The following SMOC1 variants were observed in gnomAD, a reference collection of about 807,000 sequenced individuals.
SMOC1 encodes the protein SPARC related modular calcium binding 1, also known as SPARC-related modular calcium-binding protein 1.
A neutral mutation model predicts 56.3 loss-of-function variants in SMOC1; 22 were observed. The ratio of observed to expected loss-of-function variants is 0.39; its 90% confidence interval spans 0.28 to 0.56. The LOEUF is 0.56. Among genes scored for constraint, SMOC1 ranks in the 20% least tolerant of loss-of-function variants. The probability of loss-of-function intolerance (pLI) is 0.61; values close to 1 mark genes in which losing one functional copy is unlikely to be tolerated. For missense variants in SMOC1, 509 were observed against 565.4 expected (o/e 0.90, Z 1.01); for synonymous variants, 193 against 215.0 (o/e 0.90, Z 0.89).
rs746033223 is a variant in SMOC1, at chr14:70,010,922, G to T, written c.833G>T (p.Arg278Leu). 4 of 1,612,782 alleles carry T rather than the reference G, an allele frequency of 2.5e-6. No individual in the cohort carries two copies. Residue 278 changes from arginine (R) to leucine (L), a missense_variant, in exon 8 of 12, where the codon CGC (arginine) becomes CTC (leucine). Arg to Leu is a moderately radical substitution (Grantham distance 102). This residue lies in a region of SMOC1 where 18 missense variants were observed against 44.2 expected (regional missense o/e 0.41). Transcript: ENST00000361956. ...TGGTGTGTGCTGGTGGACACAGGGC[G>T]CCCGCTGCCTGGGACCTCCACACGG... is the stretch of plus-strand genomic sequence containing the variant. ...YCWCVLVDTG[R>L]PLPGTSTRYV... is the part of the protein sequence containing the mutation.
chr14:70,014,534 C>A (rs184064251), intron 10 of SMOC1, among the ~76,000 whole-genome samples: 8 of 152,228 alleles, frequency 5.3e-5, no homozygotes, highest in Non-Finnish European at 8.8e-5. Flanking sequence ...GAGGAGGAAG[C>A]AGAGGAGGTA....
chr14:69,993,738 G>T (rs1245024088), intron 6 of SMOC1, among the ~76,000 whole-genome samples: 1 of 152,166 alleles, frequency 6.6e-6, no homozygotes, highest in Non-Finnish European at 1.5e-5. Context: ...GACCCTGGGG[G>T]GTCAGGTGAG....
chr14:69,949,568 G>A (rs1594818383), intron 1 of SMOC1, among the ~76,000 whole-genome samples: 1 of 152,342 alleles, frequency 6.6e-6, no homozygotes, highest in Non-Finnish European at 1.5e-5. Context: ...GAGTATTACA[G>A]GAGATTGTCC....
At chr14:69,951,835 G>T (rs2139437365) in intron 1 of SMOC1, among the ~76,000 whole-genome samples, 1 of 152,284 alleles carries the variant, frequency 6.6e-6, no homozygotes, top group African/African-American at 2.4e-5. Context: ...CAGTTTCCTT[G>T]TCTACAGAAT....
In SMOC1 at chr14:69,916,127, A is replaced by C. The variant is rs181685312; in HGVS notation, c.100-36011A>C. On this transcript the variant is annotated intron_variant, in intron 1 of 11. Coordinates refer to ENST00000361956, the MANE Select transcript of SMOC1 (RefSeq NM_001034852.3). ...CCAAAAGCCCAGATTTTCCCTACCAACCTTACCAAACCCATTTACCCATTC... is the reference window on the plus strand; with the variant it reads ...CCAAAAGCCCAGATTTTCCCTACCACCCTTACCAAACCCATTTACCCATTC... 1.1e-4 allele frequency among the ~76,000 whole-genome samples: 17 copies of C among 152,208 alleles called. No homozygotes were observed. The East Asian group carries it at 2.3e-3, about 21-fold the overall frequency.
At chr14:69,907,820 G>C (rs1256806633) in intron 1 of SMOC1, among the ~76,000 whole-genome samples, 1 of 152,152 alleles carries the variant, frequency 6.6e-6, no homozygotes, top group East Asian at 1.9e-4. Context: ...TATCTATAAG[G>C]TTCCTTATAG....
intron 1 of SMOC1, among the ~76,000 whole-genome samples, chr14:69,906,695 T>G (rs1294686461): frequency 6.6e-6 from 1 of 152,094 alleles, no homozygotes; most frequent in Non-Finnish European, 1.5e-5. Flanking sequence ...GGAAGCCAAC[T>G]GAGAGAGAGG....
chr14:69,932,901 C>T (rs943476101), intron 1 of SMOC1, among the ~76,000 whole-genome samples: 4 of 152,054 alleles, frequency 2.6e-5, no homozygotes, highest in Admixed American at 6.6e-5. Context: ...GCAATTCTGA[C>T]GGAAGCTGTG....
At chr14:69,997,628 T>C (rs1030424694) in intron 7 of SMOC1, among the ~76,000 whole-genome samples, 6 of 152,312 alleles carry the variant, frequency 3.9e-5, no homozygotes, top group Admixed American at 3.9e-4. Context: ...CCATAAATGA[T>C]TTTTTAAACC....
intron 7 of SMOC1, among the ~76,000 whole-genome samples, chr14:70,008,752 A>G (rs1468062309): frequency 2.0e-5 from 3 of 152,174 alleles, no homozygotes; most frequent in African/African-American, 7.2e-5. Context: ...TGTTACATGA[A>G]CGTGGTGTCA....
At chr14:70,023,182 G>C in intron 10 of SMOC1, 21 bp from the exon 11 acceptor site, 1 of 1,613,978 alleles carries the variant, frequency 6.2e-7, no homozygotes, top group East Asian at 2.2e-5. Context: ...TCTGCGGTGG[G>C]GGTGTTTGTC....
At chr14:69,949,543 A>G (rs993081910) in intron 1 of SMOC1, among the ~76,000 whole-genome samples, 1 of 152,212 alleles carries the variant, frequency 6.6e-6, no homozygotes, top group African/African-American at 2.4e-5. Flanking sequence ...CATGAAGGAA[A>G]AATGAAGTGT....
chr14:69,884,765 T>C (rs1301252952), intron 1 of SMOC1, among the ~76,000 whole-genome samples: 1 of 152,190 alleles, frequency 6.6e-6, no homozygotes, highest in Non-Finnish European at 1.5e-5. Context: ...ATTTTTGGGC[T>C]CTGTCTTCTG....
At chr14:69,980,997 G>A (rs904647172) in intron 5 of SMOC1, among the ~76,000 whole-genome samples, 2 of 152,160 alleles carry the variant, frequency 1.3e-5, no homozygotes, top group Non-Finnish European at 2.9e-5. Context: ...ATGAAAAGAT[G>A]TATTGTGTGA....
At chr14:69,968,142 G>C (rs1366586185) in intron 3 of SMOC1, among the ~76,000 whole-genome samples, 2 of 152,172 alleles carry the variant, frequency 1.3e-5, no homozygotes, top group East Asian at 3.8e-4. Flanking sequence ...AAACTCTCAC[G>C]TAGAAAACTA....
At chr14:70,029,210 C>T (rs955260300) in intron 11 of SMOC1, among the ~76,000 whole-genome samples, 9 of 152,194 alleles carry the variant, frequency 5.9e-5, no homozygotes, top group African/African-American at 1.2e-4. Context: ...CTGGAGCAGG[C>T]GTGGCAGTTT....
chr14:69,979,193 C>G (rs1360306147), intron 5 of SMOC1, among the ~76,000 whole-genome samples: 1 of 152,076 alleles, frequency 6.6e-6, no homozygotes, highest in Non-Finnish European at 1.5e-5. Flanking sequence ...TGGGCCCTGC[C>G]TCCAGTGCTT....
At chr14:69,958,255 T>C (rs1415609922) in intron 3 of SMOC1, among the ~76,000 whole-genome samples, 1 of 152,074 alleles carries the variant, frequency 6.6e-6, no homozygotes, top group Non-Finnish European at 1.5e-5. Flanking sequence ...CTGGATAACA[T>C]AGTGAGACCC....
At chr14:69,903,383 C>T (rs1173891471) in intron 1 of SMOC1, among the ~76,000 whole-genome samples, 4 of 151,934 alleles carry the variant, frequency 2.6e-5, no homozygotes, top group Non-Finnish European at 4.4e-5. Context: ...TCGGCCCGGC[C>T]GCCACCCCGT....
Sources: allele counts gnomAD v4.1 joint callset (sites outside exome capture counted in the v4.1 genomes callset), GRCh38; gene constraint gnomAD v4.1.1; regional missense constraint gnomAD v4.1.1; transcripts MANE v1.5; gene names NCBI Gene and HGNC (gene_info 2026-07-23, HGNC 2026-07-21).